Variants in TAF2 observed in about 807,000 individuals in gnomAD.
TAF2 encodes the protein transcription initiation factor TFIID subunit 2.
TAF2 carries 61 observed loss-of-function variants against 138.5 expected under a neutral mutation model. The ratio of observed to expected loss-of-function variants is 0.44; its 90% CI spans 0.36 to 0.54. The LOEUF is 0.54. Ranked by LOEUF, TAF2 falls within the 20% of genes least tolerant of loss-of-function variation. The probability of loss-of-function intolerance (pLI) is 0.00; values close to 1 mark genes in which losing one functional copy is unlikely to be tolerated. For missense variants in TAF2, 1,090 were observed against 1,427.9 expected (o/e 0.76, Z 3.81); for synonymous variants, 475 against 469.9 (o/e 1.01, Z -0.14).
chr8:119,762,131 C>T (rs971975289), intron 19 of TAF2, among the ~76,000 whole-genome samples: 1 of 151,928 alleles, frequency 6.6e-6, no homozygotes, highest in Admixed American at 6.6e-5. Flanking sequence ...CAAAGCAATG[C>T]TTATGAAGAA....
chr8:119,790,449 A>C (rs1344787702), intron 11 of TAF2, among the ~76,000 whole-genome samples: 1 of 152,074 alleles, frequency 6.6e-6, no homozygotes, highest in African/African-American at 2.4e-5. Context: ...AAAAAACAAA[A>C]CAAACCAAAA....
chr8:119,749,662 G>C (rs925412130), intron 22 of TAF2, among the ~76,000 whole-genome samples: 2 of 152,210 alleles, frequency 1.3e-5, no homozygotes, highest in Non-Finnish European at 2.9e-5. Flanking sequence ...AGTTCACTCA[G>C]ATGATCTTTA....
intron 11 of TAF2, among the ~76,000 whole-genome samples, chr8:119,790,699 T>G (rs1823362355): frequency 6.6e-6 from 1 of 152,174 alleles, no homozygotes; most frequent in Admixed American, 6.5e-5. Flanking sequence ...TTGGTTTACG[T>G]TTTTCTATTG....
Position 119,791,421 on chromosome 8 carries a change from T to G in TAF2, c.1316A>C (p.His439Pro). The G allele has an allele frequency of 6.2e-7, 1 of 1,613,772 alleles. No homozygotes were observed. Among genetic ancestry groups the G allele is most frequent in the South Asian group, 1.1e-5 (1 of 91,082 alleles). ...SHLHFSIKHP[H>P]TLSWEYYSMF... is the part of the protein sequence containing the mutation. ...ACTGTAGTATTCCCAGGACAGTGTA[T>G]GTGGATGCTTTATTGAAAAGTGTAG... Residue 439 changes from histidine to proline, a missense_variant, in exon 11 of 26, where the codon CAT becomes CCT. Around this residue, in one of 3 missense-constraint regions of TAF2, gnomAD observed 504 missense variants for 680.9 expected, o/e 0.74. Transcript: ENST00000378164.
chr8:119,766,948 A>T (rs186258017), intron 18 of TAF2: 3 of 152,348 alleles, frequency 2.0e-5, no homozygotes, highest in East Asian at 1.9e-4. Context: ...AAAATCATTT[A>T]AAAAAGTGTT....
intron 19 of TAF2, among the ~76,000 whole-genome samples, chr8:119,761,007 A>G (rs1014677427): frequency 1.1e-4 from 16 of 152,176 alleles, no homozygotes; most frequent in Admixed American, 8.5e-4. Context: ...CTAAGTCCAC[A>G]GTGTTTATTA....
intron 18 of TAF2, among the ~76,000 whole-genome samples, chr8:119,774,473 T>C (rs560903433): frequency 3.7e-5 from 4 of 107,054 alleles, no homozygotes; most frequent in East Asian, 4.4e-4. Flanking sequence ...CCTTAAAATA[T>C]TGTGATTTTT....
Position 119,781,059 on chromosome 8 carries a change from T to C in TAF2, c.2247A>G (p.Leu749=). ...ATTAGAAAGTAAACTGTACCTTCTG[T>C]AGAAAATAGCTTTGAAAGCTCATAA... ...NNFMSFQSYF[L]QKTMPVAMAL... Residue 749 remains leucine, a synonymous_variant, in exon 17 of 26, where the codon CTA becomes CTG. Transcript: ENST00000378164. The C allele has an allele frequency of 1.2e-6, 2 of 1,612,798 alleles. No homozygotes were observed. Among genetic ancestry groups the C allele is most frequent in the Non-Finnish European group, 1.7e-6 (2 of 1,179,838 alleles).
At chr8:119,780,158 A>G (rs1485582647) in intron 17 of TAF2, among the ~76,000 whole-genome samples, 4 of 135,876 alleles carry the variant, frequency 2.9e-5, no homozygotes, top group Non-Finnish European at 6.4e-5. Flanking sequence ...TCATTATGAA[A>G]TTACTAAAAA....
chr8:119,806,790 AT>A (rs902695280), intron 3 of TAF2, among the ~76,000 whole-genome samples: 1 of 152,214 alleles, frequency 6.6e-6, no homozygotes, highest in Admixed American at 6.6e-5. Context: ...CTTAAATATC[AT>A]TTGATACCAA....
At chr8:119,755,889 G>GA (rs889548459) in intron 22 of TAF2, 117 bp downstream of exon 22, 9,617 of 639,946 alleles carry the variant, frequency 0.015, no homozygotes, top group Non-Finnish European at 0.017. Flanking sequence ...CTACTTAAAA[G>GA]AAAAAAAAAA....
chr8:119,761,860 G>A (rs1307922940), intron 19 of TAF2: 1 of 151,494 alleles, frequency 6.6e-6, no homozygotes, highest in Non-Finnish European at 1.5e-5. Flanking sequence ...CATTATACTT[G>A]TTACAGGAAT....
At chr8:119,744,811 G>A (rs1819845070) in intron 23 of TAF2, 1 of 425,246 alleles carries the variant, frequency 2.4e-6, no homozygotes, top group Non-Finnish European at 4.7e-6. Context: ...ACCACTGCAA[G>A]TATTCAAAAA....
chr8:119,770,701 C>T (rs1179118548), intron 18 of TAF2, among the ~76,000 whole-genome samples: 1 of 152,140 alleles, frequency 6.6e-6, no homozygotes, highest in Non-Finnish European at 1.5e-5. Context: ...AAGGCAACTA[C>T]CCACAACACT....
At chr8:119,785,401 T>C in intron 14 of TAF2, 135 bp from the exon 15 acceptor site, 1 of 638,032 alleles carries the variant, frequency 1.6e-6, no homozygotes, top group Non-Finnish European at 2.8e-6. Context: ...CTATCAAATG[T>C]AATAAAATTT....
intron 9 of TAF2, among the ~76,000 whole-genome samples, chr8:119,794,512 GA>G (rs1407003901): frequency 6.6e-6 from 1 of 152,076 alleles, no homozygotes; most frequent in East Asian, 1.9e-4. Flanking sequence ...GCATAGAGAA[GA>G]AACTAAAAGC....
intron 18 of TAF2, among the ~76,000 whole-genome samples, chr8:119,775,912 G>A (rs1490712784): frequency 6.6e-6 from 1 of 152,030 alleles, no homozygotes; most frequent in African/African-American, 2.4e-5. Flanking sequence ...TTAATTTAGT[G>A]TTACTAGTTT....
At chr8:119,754,648 ACT>A (rs1198520024) in intron 22 of TAF2, among the ~76,000 whole-genome samples, 1 of 151,004 alleles carries the variant, frequency 6.6e-6, no homozygotes, top group African/African-American at 2.4e-5. Flanking sequence ...GTGCCATTGC[ACT>A]CCAGCCTGGG....
At chr8:119,830,636 A>G (rs1033394420) in intron 2 of TAF2, among the ~76,000 whole-genome samples, 3 of 152,218 alleles carry the variant, frequency 2.0e-5, no homozygotes, top group African/African-American at 7.2e-5. Flanking sequence ...CTAAGATTCT[A>G]TGACTCATGA....
Sources: allele counts gnomAD v4.1 joint callset (sites outside exome capture counted in the v4.1 genomes callset), GRCh38; gene constraint gnomAD v4.1.1; regional missense constraint gnomAD v4.1.1; transcripts MANE v1.5; gene names NCBI Gene and HGNC (gene_info 2026-07-23, HGNC 2026-07-21).